The following PBX3 variants were observed in gnomAD, a reference collection of about 807,000 sequenced individuals.
PBX3 encodes pre-B-cell leukemia transcription factor 3.
A neutral mutation model predicts 48.5 loss-of-function variants in PBX3; 14 were observed. That is an observed-to-expected ratio of 0.29 (90% CI 0.19 to 0.45). The LOEUF is 0.45. Among genes scored for constraint, PBX3 ranks in the 20% least tolerant of loss-of-function variants. PBX3 has a pLI of 1.00. For missense variants in PBX3, 386 were observed against 546.7 expected, an observed-to-expected ratio of 0.71 and a Z score of 2.93; for synonymous variants, 210 against 200.3, an observed-to-expected ratio of 1.05 and a Z score of -0.41.
chr9:125,939,087 CA>C (rs1841903091), intron 5 of PBX3, among the ~76,000 whole-genome samples: 2 of 152,016 alleles, frequency 1.3e-5, no homozygotes, highest in Admixed American at 1.3e-4. Flanking sequence ...AGGGCATATA[CA>C]AATATTCTTT....
chr9:125,754,916 ACTT>A (rs1836471883), intron 2 of PBX3, among the ~76,000 whole-genome samples: 1 of 152,094 alleles, frequency 6.6e-6, no homozygotes, highest in African/African-American at 2.4e-5. Context: ...AAAGTTTTCT[ACTT>A]CTTTCAACTT....
chr9:125,897,034 A>C (rs752128757), intron 2 of PBX3, among the ~76,000 whole-genome samples: 3 of 151,294 alleles, frequency 2.0e-5, no homozygotes, highest in Non-Finnish European at 4.4e-5. Context: ...CAATAGTTAA[A>C]TATATATCTA....
At chr9:125,797,149 C>A (rs1331536820) in intron 2 of PBX3, among the ~76,000 whole-genome samples, 2 of 151,782 alleles carry the variant, frequency 1.3e-5, no homozygotes, top group Non-Finnish European at 1.5e-5. Context: ...TATGTTATAT[C>A]AAAAGCAGAA....
chr9:125,881,897 A>C (rs949960101), intron 2 of PBX3, among the ~76,000 whole-genome samples: 1 of 151,908 alleles, frequency 6.6e-6, no homozygotes, highest in Non-Finnish European at 1.5e-5. Flanking sequence ...ATTATCATTA[A>C]GTATTTACTA....
At chr9:125,790,515 A>G (rs553064820) in intron 2 of PBX3, among the ~76,000 whole-genome samples, 78 of 151,830 alleles carry the variant, frequency 5.1e-4, no homozygotes, top group Admixed American at 3.5e-3. Context: ...CAGCCTCTCA[A>G]AGTGCTGGGA....
intron 2 of PBX3, among the ~76,000 whole-genome samples, chr9:125,853,124 A>G (rs1233308100): frequency 6.6e-6 from 1 of 152,176 alleles, no homozygotes; most frequent in Non-Finnish European, 1.5e-5. Flanking sequence ...ACTGTTGGCC[A>G]TGTTAGTATT....
chr9:125,748,307 C>T lies in PBX3; in HGVS notation c.201-243C>T, dbSNP rs1245311555. The stretch of plus-strand genomic sequence containing the variant: ...CCCGCGCGGGTTCGCGTCGCGTCTG[C>T]AGTGGCCGAGGCTGCTGCCTGCCGG... On this transcript the variant is annotated intron_variant, in intron 1 of 8. Transcript: ENST00000373489. 5 of 1,159,812 alleles carry T rather than the reference C, an allele frequency of 4.3e-6. No homozygotes were observed. In the African/African-American group the frequency reaches 6.5e-5, roughly 15 times the overall value. 71.8% of individuals were successfully genotyped at this position (1,159,812 alleles called of 1,614,324 possible).
chr9:125,839,235 G>A (rs762125887), intron 2 of PBX3, among the ~76,000 whole-genome samples: 5 of 152,186 alleles, frequency 3.3e-5, no homozygotes, highest in Non-Finnish European at 7.3e-5. Context: ...TTTACCCACA[G>A]AAGATACTCA....
intron 2 of PBX3, among the ~76,000 whole-genome samples, chr9:125,901,119 G>T (rs914355700): frequency 4.0e-5 from 6 of 151,632 alleles, no homozygotes; most frequent in African/African-American, 1.5e-4. Flanking sequence ...CACCCTTTTT[G>T]TAAGTTACTA....
At chr9:125,844,283 A>G (rs1300410117) in intron 2 of PBX3, among the ~76,000 whole-genome samples, 1 of 149,086 alleles carries the variant, frequency 6.7e-6, no homozygotes, top group Non-Finnish European at 1.5e-5. Flanking sequence ...GTTTAACAGA[A>G]TGCCACCTTT....
At chr9:125,931,902 T>C (rs979748972) in intron 4 of PBX3, among the ~76,000 whole-genome samples, 1 of 152,242 alleles carries the variant, frequency 6.6e-6, no homozygotes, top group African/African-American at 2.4e-5. Flanking sequence ...TCTTCATTGA[T>C]TGAACCTTTT....
At chr9:125,824,673 A>C (rs947106975) in intron 2 of PBX3, among the ~76,000 whole-genome samples, 2 of 151,248 alleles carry the variant, frequency 1.3e-5, no homozygotes, top group East Asian at 3.9e-4. Flanking sequence ...TTAAATTAGA[A>C]TCTATATGAT....
intron 2 of PBX3, among the ~76,000 whole-genome samples, chr9:125,877,157 A>G (rs973398953): frequency 2.6e-5 from 4 of 152,162 alleles, no homozygotes; most frequent in African/African-American, 9.6e-5. Flanking sequence ...AGAGGCACAC[A>G]CAGATCCTTT....
intron 2 of PBX3, among the ~76,000 whole-genome samples, chr9:125,816,333 T>TATC (rs1838461998): frequency 1.3e-5 from 2 of 152,150 alleles, no homozygotes; most frequent in African/African-American, 4.8e-5. Flanking sequence ...TTTACAGTCC[T>TATC]ATCAGAGGGA....
Position 125,895,248 on chromosome 9 carries a change from G to A in PBX3, c.275-20438G>A, listed in dbSNP as rs544533062. Among the ~76,000 whole-genome samples the A allele has an allele frequency of 7.6e-4, 115 of 152,180 alleles. 1 individual carries two copies. Among genetic ancestry groups the A allele is most frequent in the Middle Eastern group, 3.4e-3 (1 of 294 alleles). ...AATGTGCAGTAGCCTGCATGTATGT[G>A]TGATAAGACATACCTGTAAGCTAAT... On this transcript the variant is annotated intron_variant, in intron 2 of 8. Coordinates refer to ENST00000373489, the MANE Select transcript of PBX3 (RefSeq NM_006195.6).
At chr9:125,756,017 T>C (rs952232425) in intron 2 of PBX3, among the ~76,000 whole-genome samples, 1 of 152,098 alleles carries the variant, frequency 6.6e-6, no homozygotes, top group Non-Finnish European at 1.5e-5. Context: ...TGTGCACCAA[T>C]GTCACTAAAT....
At chr9:125,956,079 G>A (rs979500499) in intron 5 of PBX3, among the ~76,000 whole-genome samples, 4 of 152,198 alleles carry the variant, frequency 2.6e-5, no homozygotes, top group African/African-American at 4.8e-5. Context: ...GATAAAACAT[G>A]AGTGATAGTA....
chr9:125,798,141 A>G (rs1395261528), intron 2 of PBX3, among the ~76,000 whole-genome samples: 2 of 152,182 alleles, frequency 1.3e-5, no homozygotes, highest in African/African-American at 4.8e-5. Context: ...CTAATAACAA[A>G]TAGTCATCTG....
At chr9:125,843,737 G>A (rs1839349684) in intron 2 of PBX3, 2 of 448,762 alleles carry the variant, frequency 4.5e-6, no homozygotes, top group Non-Finnish European at 9.0e-6. Context: ...CCATGGTGCA[G>A]CGAGGTCATA....
Sources: gnomAD v4.1 joint callset for allele counts (sites outside exome capture counted in the v4.1 genomes callset) on GRCh38, gnomAD v4.1.1 for gene constraint, MANE v1.5 for transcripts, NCBI Gene and HGNC (gene_info 2026-07-23, HGNC 2026-07-21) for gene names.